Variants in CLPB observed in about 807,000 individuals in gnomAD.
CLPB encodes mitochondrial disaggregase.
CLPB carries 40 observed loss-of-function variants against 78.4 expected under a neutral mutation model. That is an observed-to-expected ratio of 0.51 (90% CI 0.40 to 0.66). The LOEUF (loss-of-function observed/expected upper bound fraction) is 0.66, where lower values mean the gene tolerates loss of function less well. CLPB is among the 30% of genes least tolerant of loss of function. The pLI is 0.00. For synonymous variants in CLPB, 333 were observed against 348.0 expected (o/e 0.96, Z 0.48); for missense variants, 780 against 886.9 (o/e 0.88, Z 1.53).
chr11:72,358,889 G>T lies in CLPB; in HGVS notation c.766C>A (p.Leu256Ile). 3 of 1,415,890 alleles carry T rather than the reference G, an allele frequency of 2.1e-6. No homozygotes were observed. Among genetic ancestry groups the T allele is most frequent in the Non-Finnish European group, 1.9e-6 (2 of 1,052,776 alleles). 87.7% of individuals were successfully genotyped at this position (1,415,890 alleles called of 1,614,324 possible). The change falls in exon 5 of 16, where the codon CTT becomes ATT. Residue 256 changes from leucine (L) to isoleucine (I), a missense_variant. This residue lies in a region of CLPB where 417 missense variants were observed against 414.7 expected (regional missense o/e 1.01). Transcript: ENST00000538039. ...ADDYRTVKEL[L>I]DGGANPLQRN... ...CCACCTCTGCTCTCACCTCCATCAA[G>T]CAGCTCCTTGACAGTGCGGTAGTCA...
intron 1 of CLPB, among the ~76,000 whole-genome samples, chr11:72,431,491 A>G (rs1488830938): frequency 6.6e-6 from 1 of 152,184 alleles, no homozygotes; most frequent in Non-Finnish European, 1.5e-5. Context: ...CCTGAGCCTT[A>G]GTTTCCTTAT....
At chr11:72,307,440 T>C (rs1463350116) in intron 8 of CLPB, among the ~76,000 whole-genome samples, 186 bp from the exon 9 acceptor site, 1 of 152,178 alleles carries the variant, frequency 6.6e-6, no homozygotes, top group Non-Finnish European at 1.5e-5. Flanking sequence ...GGGACCAAAA[T>C]CAAAGTCTGC....
intron 6 of CLPB, among the ~76,000 whole-genome samples, chr11:72,328,453 A>C (rs1007502233): frequency 1.3e-5 from 2 of 152,270 alleles, no homozygotes; most frequent in Admixed American, 6.5e-5. Context: ...CAATGTTTTC[A>C]TATCACAGAA....
chr11:72,308,640 G>A (rs755051959), intron 7 of CLPB, 36 bp from the exon 8 acceptor site: 1 of 1,568,826 alleles, frequency 6.4e-7, no homozygotes, highest in Non-Finnish European at 8.8e-7. Context: ...GGACAGGGAG[G>A]GAGGCAGATA....
chr11:72,381,115 G>A (rs192978560), intron 3 of CLPB, among the ~76,000 whole-genome samples: 76 of 152,302 alleles, frequency 5.0e-4, no homozygotes, highest in African/African-American at 1.7e-3. Flanking sequence ...GCACCTGGGC[G>A]TAGCACAGAG....
At chr11:72,426,890 G>A (rs1856396283) in intron 2 of CLPB, among the ~76,000 whole-genome samples, 1 of 152,102 alleles carries the variant, frequency 6.6e-6, no homozygotes, top group Admixed American at 6.6e-5. Context: ...TCCACAAAAG[G>A]AGCTCCCTCC....
chr11:72,320,508 C>T (rs1223308366), intron 6 of CLPB, among the ~76,000 whole-genome samples: 1 of 152,126 alleles, frequency 6.6e-6, no homozygotes. Flanking sequence ...TCAGTACATT[C>T]TGATTCTCCC....
intron 3 of CLPB, among the ~76,000 whole-genome samples, chr11:72,392,720 T>C (rs949561635): frequency 3.9e-5 from 6 of 152,214 alleles, no homozygotes; most frequent in Non-Finnish European, 5.9e-5. Flanking sequence ...CCAGTCCTAT[T>C]TTATAAATAA....
intron 3 of CLPB, among the ~76,000 whole-genome samples, chr11:72,392,902 T>C (rs545053888): frequency 2.6e-5 from 4 of 152,306 alleles, no homozygotes; most frequent in African/African-American, 7.2e-5. Context: ...TCTTATCCCA[T>C]AGTTACTAAG....
chr11:72,430,281 A>G, intron 2 of CLPB, 31 bp downstream of exon 2: 2 of 1,606,332 alleles, frequency 1.2e-6, no homozygotes, highest in Admixed American at 1.7e-5. Flanking sequence ...CCTCTCCTGT[A>G]GGGGAGAGCA....
Position 72,288,835 on chromosome 11 carries a change from T to C in CLPB, c.*4532A>G, listed in dbSNP as rs1416804925. 6.6e-6 allele frequency: 1 copy of C among 152,238 alleles called. No individual in the cohort carries two copies. Among genetic ancestry groups the C allele is most frequent in the African/African-American group, 2.4e-5 (1 of 41,448 alleles). 9.4% of individuals were successfully genotyped at this position (152,238 alleles called of 1,614,324 possible). A position where few individuals can be genotyped will look rare whatever the true frequency, so the allele number is the denominator to read the frequency against. On this transcript the variant is annotated 3_prime_UTR_variant, in exon 16 of 16. Coordinates refer to ENST00000538039, the MANE Select transcript of CLPB (RefSeq NM_001258392.3). The stretch of plus-strand genomic sequence containing the variant: ...TGGGATGCTATGGAAGTAAAAGATA[T>C]GGGTCCAACACCACCTAGGAGTTCT...
intron 15 of CLPB, among the ~76,000 whole-genome samples, 181 bp from the exon 16 acceptor site, chr11:72,293,796 T>G (rs573510600): frequency 5.0e-4 from 76 of 152,344 alleles, no homozygotes; most frequent in African/African-American, 1.8e-3. Context: ...TTTCTGAGGC[T>G]CCCAGCCCAG....
rs1949400819 is a variant in CLPB at position 72,287,170 on chromosome 11, T to G, written c.*6197A>C. On this transcript the variant is annotated 3_prime_UTR_variant, in exon 16 of 16. Coordinates refer to ENST00000538039, the MANE Select transcript of CLPB (RefSeq NM_001258392.3). ...TTTCTGGCACTTTATCAGGTTTGAG[T>G]ACAATAATAGTTAAAACTCATCTAT... 6.6e-6 allele frequency: 1 copy of G among 152,194 alleles called. No homozygotes were observed. The highest frequency in any genetic ancestry group is 2.4e-5 in the African/African-American group (1 of 41,436). 9.4% of individuals were successfully genotyped at this position (152,194 alleles called of 1,614,324 possible).
chr11:72,407,324 T>C (rs2135098132), intron 2 of CLPB, among the ~76,000 whole-genome samples: 1 of 152,328 alleles, frequency 6.6e-6, no homozygotes, highest in African/African-American at 2.4e-5. Flanking sequence ...CTGTCAACAC[T>C]TGGCCATAGC....
At chr11:72,336,094 T>C (rs528595454) in intron 5 of CLPB, among the ~76,000 whole-genome samples, 1 of 151,876 alleles carries the variant, frequency 6.6e-6, no homozygotes, top group Non-Finnish European at 1.5e-5. Flanking sequence ...GGAGGTGGGA[T>C]TCAGATCTTC....
At chr11:72,358,558 G>C (rs1159114953) in intron 5 of CLPB, among the ~76,000 whole-genome samples, 5 of 152,126 alleles carry the variant, frequency 3.3e-5, no homozygotes, top group Non-Finnish European at 7.4e-5. Context: ...GGGATAGCAA[G>C]AGTCCAGAAA....
At position 72,421,711 on chromosome 11, in the gene CLPB, G is replaced by T. The variant is rs528829158; in HGVS notation, c.455+8601C>A. Among the ~76,000 whole-genome samples, 6 of 152,312 alleles carry T rather than the reference G, an allele frequency of 3.9e-5. No homozygotes were observed. The East Asian group carries it at 1.2e-3, about 29-fold the overall frequency. ...TCATGGCCAACTGCCTGCCTCTGCA[G>T]GGCTTCTGGGCAGTTGACCACCTGC... On this transcript the variant is annotated intron_variant, in intron 2 of 15. Coordinates refer to ENST00000538039, the MANE Select transcript of CLPB (RefSeq NM_001258392.3).
chr11:72,415,301 G>C (rs891115093), intron 2 of CLPB, among the ~76,000 whole-genome samples: 2 of 152,194 alleles, frequency 1.3e-5, no homozygotes, highest in Non-Finnish European at 2.9e-5. Context: ...CTGCCTTCCA[G>C]GGCTCATATG....
At chr11:72,350,173 G>C (rs1950588989) in intron 5 of CLPB, among the ~76,000 whole-genome samples, 1 of 152,184 alleles carries the variant, frequency 6.6e-6, no homozygotes, top group Non-Finnish European at 1.5e-5. Context: ...AAGGGCTGAG[G>C]GTAGGACTTA....
Sources: gnomAD v4.1 joint callset for allele counts (sites outside exome capture counted in the v4.1 genomes callset) on GRCh38, gnomAD v4.1.1 for gene constraint, gnomAD v4.1.1 regional missense constraint, MANE v1.5 for transcripts, NCBI Gene and HGNC (gene_info 2026-07-23, HGNC 2026-07-21) for gene names.